GARNL3: variants seen among roughly 807,000 people sequenced by gnomAD.
GARNL3 encodes the protein GTPase-activating Rap/Ran-GAP domain-like protein 3.
Under a neutral mutation model 125.0 loss-of-function variants are expected in GARNL3, and 63 were observed. The ratio of observed to expected loss-of-function variants is 0.50; its 90% CI spans 0.41 to 0.62. GARNL3 has a LOEUF of 0.62. Ranked by LOEUF, GARNL3 falls within the 20% of genes least tolerant of loss-of-function variation. GARNL3 has a pLI of 0.00. For missense variants in GARNL3, 994 were observed against 1,244.0 expected, an observed-to-expected ratio of 0.80 and a Z score of 3.02; for synonymous variants, 439 against 457.5, an observed-to-expected ratio of 0.96 and a Z score of 0.52.
chr9:127,388,348 G>A (rs987610140), intron 25 of GARNL3: 7 of 152,896 alleles, frequency 4.6e-5, no homozygotes, highest in Non-Finnish European at 1.0e-4. Context: ...CAGTGGGGAG[G>A]AGGGAGTTAA....
intron 20 of GARNL3, among the ~76,000 whole-genome samples, chr9:127,356,828 T>C (rs983748967): frequency 1.3e-5 from 2 of 152,240 alleles, no homozygotes; most frequent in African/African-American, 4.8e-5. Context: ...ACCTTATAAG[T>C]AGGATTCAAT....
intron 1 of GARNL3, chr9:127,225,288 A>G (rs1420116195): frequency 3.1e-6 from 3 of 961,260 alleles, no homozygotes; most frequent in Non-Finnish European, 3.7e-6. Context: ...AGTGCGCCCG[A>G]GCCCGCGGCC....
chr9:127,286,727 T>G (rs1377289655), intron 1 of GARNL3, among the ~76,000 whole-genome samples: 1 of 152,220 alleles, frequency 6.6e-6, no homozygotes, highest in Admixed American at 6.5e-5. Context: ...AAAAAATTCC[T>G]TGGACTTTTT....
chr9:127,301,889 C>G (rs187623775), intron 2 of GARNL3, among the ~76,000 whole-genome samples: 1 of 124,578 alleles, frequency 8.0e-6, no homozygotes, highest in East Asian at 2.5e-4. Context: ...AATCTTTCAG[C>G]TTTTTACAAA....
chr9:127,383,805 A>G (rs1021648145), intron 23 of GARNL3, among the ~76,000 whole-genome samples: 1 of 152,098 alleles, frequency 6.6e-6, no homozygotes, highest in Non-Finnish European at 1.5e-5. Context: ...GTCATTTTTC[A>G]GTACTTGGTT....
intron 12 of GARNL3, among the ~76,000 whole-genome samples, chr9:127,338,538 T>C (rs1243354317): frequency 6.6e-6 from 1 of 152,242 alleles, no homozygotes; most frequent in Non-Finnish European, 1.5e-5. Context: ...CAAATAGATT[T>C]GAGTTCGAAT....
intron 1 of GARNL3, among the ~76,000 whole-genome samples, chr9:127,289,546 G>A (rs1048852022): frequency 3.9e-5 from 6 of 152,222 alleles, no homozygotes; most frequent in Non-Finnish European, 8.8e-5. Context: ...AAGCTCACCT[G>A]AATTGCGGTA....
At chr9:127,361,451 G>C (rs1324515715) in intron 21 of GARNL3, among the ~76,000 whole-genome samples, 3 of 152,082 alleles carry the variant, frequency 2.0e-5, no homozygotes, top group Admixed American at 2.0e-4. Context: ...AAGATTTAAT[G>C]CCTATGTCCT....
At chr9:127,331,692 C>T (rs886776392) in intron 7 of GARNL3, among the ~76,000 whole-genome samples, 4 of 108,254 alleles carry the variant, frequency 3.7e-5, no homozygotes, top group African/African-American at 1.3e-4. Context: ...ACATTTGTAC[C>T]AGCTACTGCT....
intron 10 of GARNL3, 117 bp from the exon 11 acceptor site, chr9:127,336,011 A>G (rs749097654): frequency 1.7e-5 from 12 of 705,844 alleles, no homozygotes; most frequent in Non-Finnish European, 2.6e-5. Flanking sequence ...AGATGTCTGA[A>G]GTTCAGGGCT....
chr9:127,345,402 G>T lies in GARNL3; in HGVS notation c.1357-1G>T. The T allele has an allele frequency of 6.3e-7, 1 of 1,596,152 alleles. No homozygotes were observed. Among genetic ancestry groups the T allele is most frequent in the Non-Finnish European group, 8.6e-7 (1 of 1,169,002 alleles). On this transcript the variant is annotated splice_acceptor_variant, in intron 15 of 27. Coordinates refer to ENST00000373387, the MANE Select transcript of GARNL3 (RefSeq NM_032293.5). LOFTEE classifies it high-confidence loss of function. Reference sequence around the variant, plus strand: ...TTTAATAGAGATCTCTGTTCTGTAAGGCACTAAAACTGAAATCCATTGTGA... The same window carrying T: ...TTTAATAGAGATCTCTGTTCTGTAATGCACTAAAACTGAAATCCATTGTGA...
At chr9:127,348,433 A>G (rs565656377) in intron 16 of GARNL3, among the ~76,000 whole-genome samples, 2 of 152,344 alleles carry the variant, frequency 1.3e-5, no homozygotes, top group East Asian at 3.8e-4. Flanking sequence ...ATGTGGGTCA[A>G]TAGGCATTTT....
At chr9:127,264,432 AAGGGGGACAG>A (rs1427968616), upstream of GARNL3, 29 of 783,980 alleles carry the variant, frequency 3.7e-5, no homozygotes, top group African/African-American at 5.6e-5. Flanking sequence ...TCCTAAATTA[AAGGGGGACAG>A]AGGGTGGAGC....
In GARNL3 at chr9:127,264,998, A is replaced by C; in HGVS notation, c.121A>C (p.Lys41Gln). The C allele has an allele frequency of 1.2e-6, 2 of 1,613,244 alleles. No homozygotes were observed. The highest frequency in any genetic ancestry group is 1.7e-6 in the Non-Finnish European group (2 of 1,179,542). The change falls in exon 1 of 28, where the codon AAA becomes CAA. Residue 41 changes from lysine (K) to glutamine (Q), a missense_variant. Transcript: ENST00000373387. The part of the protein sequence containing the change: ...LGCRRGDFSR[K>Q]HYGSVELLIS... ...CTGTAGACGTGGGGATTTCAGTAGG[A>C]AACATTATGGATCTGTGGAGCTGGT... is the stretch of plus-strand genomic sequence containing the variant.
chr9:127,341,394 G>C (rs1829851548), intron 13 of GARNL3, among the ~76,000 whole-genome samples: 1 of 152,208 alleles, frequency 6.6e-6, no homozygotes, highest in African/African-American at 2.4e-5. Context: ...ACTCCATCCA[G>C]CTGAGGCCTT....
At chr9:127,271,785 G>A (rs541055422) in intron 1 of GARNL3, among the ~76,000 whole-genome samples, 29 of 150,100 alleles carry the variant, frequency 1.9e-4, no homozygotes, top group South Asian at 4.1e-4. Flanking sequence ...ATAAAACCCC[G>A]TATCTTGATA....
At chr9:127,371,006 C>T (rs80031564) in intron 22 of GARNL3, among the ~76,000 whole-genome samples, 7,602 of 152,284 alleles carry the variant, frequency 0.05, 348 homozygotes, top group Non-Finnish European at 0.068. Context: ...ATCTTTCCTC[C>T]TCACATGTGC....
chr9:127,285,260 C>T (rs542913351), intron 1 of GARNL3, among the ~76,000 whole-genome samples: 153 of 152,228 alleles, frequency 1.0e-3, no homozygotes, highest in Non-Finnish European at 1.7e-3. Flanking sequence ...GGAGAAACCC[C>T]GTCTCTACTA....
chr9:127,377,868 C>T (rs927758682), intron 22 of GARNL3, among the ~76,000 whole-genome samples: 55 of 150,910 alleles, frequency 3.6e-4, no homozygotes, highest in African/African-American at 8.3e-4. Flanking sequence ...CTTAAAATTT[C>T]TATGCCAAAA....
Sources: allele counts gnomAD v4.1 joint callset (sites outside exome capture counted in the v4.1 genomes callset), GRCh38; gene constraint gnomAD v4.1.1; transcripts MANE v1.5; gene names NCBI Gene and HGNC (gene_info 2026-07-23, HGNC 2026-07-21).